The following DTL variants were observed in gnomAD, a reference collection of about 807,000 sequenced individuals.
DTL encodes the protein denticleless protein homolog.
Under a neutral mutation model 87.0 loss-of-function variants are expected in DTL, and 46 were observed. The ratio of observed to expected loss-of-function variants is 0.53; its 90% CI spans 0.42 to 0.68. DTL has a LOEUF of 0.68. Ranked by LOEUF, DTL falls within the 30% of genes least tolerant of loss-of-function variation. DTL has a pLI of 0.00. For synonymous variants in DTL, 308 were observed against 311.2 expected, an observed-to-expected ratio of 0.99 and a Z score of 0.11; for missense variants, 737 against 869.4, an observed-to-expected ratio of 0.85 and a Z score of 1.91.
intron 5 of DTL, among the ~76,000 whole-genome samples, chr1:212,053,665 A>C (rs1668068513): frequency 6.6e-6 from 1 of 152,048 alleles, no homozygotes; most frequent in Non-Finnish European, 1.5e-5. Context: ...TGCTCACTGC[A>C]ACCTCTGCCT....
chr1:212,054,774 GACA>G lies in DTL; in HGVS notation c.460+7360_460+7362del, dbSNP rs377602054. ...CGTGCCACTGCACTCCAGCCTGGGT[GACA>G]ACGAGACACCACCTCAAAAAAAAAA... On this transcript the variant is annotated intron_variant, in intron 5 of 14. Transcript: ENST00000366991. 5.8e-3 allele frequency among the ~76,000 whole-genome samples: 722 copies of G among 123,954 alleles called. 4 individuals carry two copies. Among genetic ancestry groups the G allele is most frequent in the African/African-American group, 0.02 (680 of 33,534 alleles). 81.3% of individuals were successfully genotyped at this position (123,954 alleles called of 152,430 possible).
chr1:212,068,360 A>G (rs766001234), intron 9 of DTL, 33 bp downstream of exon 9: 1 of 1,372,076 alleles, frequency 7.3e-7, no homozygotes, highest in South Asian at 1.3e-5. Context: ...GGGGGAGATA[A>G]GAGTTTTTGT....
At chr1:212,058,422 G>A (rs1277182536) in intron 5 of DTL, among the ~76,000 whole-genome samples, 3 of 152,032 alleles carry the variant, frequency 2.0e-5, no homozygotes, top group Admixed American at 6.6e-5. Flanking sequence ...CTACAAATAC[G>A]TGGAAATTAG....
chr1:212,038,772 A>G (rs1049734287), intron 1 of DTL, among the ~76,000 whole-genome samples: 1 of 152,212 alleles, frequency 6.6e-6, no homozygotes, highest in Non-Finnish European at 1.5e-5. Flanking sequence ...GTGTATTTTT[A>G]AATTGATATC....
rs1239185185 is a variant in DTL at position 212,100,969 on chromosome 1, A to C, written c.1979A>C (p.Lys660Thr). The C allele has an allele frequency of 6.2e-7, 1 of 1,614,130 alleles. No homozygotes were observed. Among genetic ancestry groups the C allele is most frequent in the East Asian group, 2.2e-5 (1 of 44,878 alleles). Residue 660 changes from lysine (K) to threonine (T), a missense_variant, in exon 14 of 15, where the codon AAA becomes ACA. By Grantham distance (78) the Lys-to-Thr change is moderately conservative (BLOSUM62 -1). Coordinates refer to ENST00000366991, the MANE Select transcript of DTL (RefSeq NM_016448.4). ...AAAGAGAATAGTTCCCCAGAGAATA[A>C]AAACTGGTTGTTGGCCATGGCAGCC... is the stretch of plus-strand genomic sequence containing the variant. The part of the protein sequence containing the change: ...VGKENSSPEN[K>T]NWLLAMAAKR...
intron 11 of DTL, among the ~76,000 whole-genome samples, chr1:212,077,074 G>T (rs1046426720): frequency 6.6e-6 from 1 of 152,110 alleles, no homozygotes; most frequent in African/African-American, 2.4e-5. Flanking sequence ...AGTTTACTTA[G>T]TCATTCTCAC....
chr1:212,089,268 G>A (rs1655217325), intron 13 of DTL, among the ~76,000 whole-genome samples: 1 of 152,042 alleles, frequency 6.6e-6, no homozygotes, highest in African/African-American at 2.4e-5. Context: ...AAAGAAAATG[G>A]CATGCCATAT....
chr1:212,075,378 A>G (rs1654797624), intron 11 of DTL, among the ~76,000 whole-genome samples: 1 of 152,198 alleles, frequency 6.6e-6, no homozygotes, highest in African/African-American at 2.4e-5. Context: ...TCTGTGTCTG[A>G]GCATCTCCAA....
At chr1:212,048,433 C>A (rs570907738) in intron 5 of DTL, among the ~76,000 whole-genome samples, 3 of 152,268 alleles carry the variant, frequency 2.0e-5, no homozygotes, top group African/African-American at 7.2e-5. Context: ...CCTCGTGATC[C>A]ACCTGCCTCG....
At chr1:212,071,648 A>G (rs185433685) in intron 10 of DTL, among the ~76,000 whole-genome samples, 152 of 152,228 alleles carry the variant, frequency 1.0e-3, no homozygotes, top group African/African-American at 3.3e-3. Flanking sequence ...TCAAAGCACT[A>G]TAAAGTCTAG....
rs186929443 is a variant in DTL at position 212,042,262 on chromosome 1, T to C, written c.53-731T>C. Among the ~76,000 whole-genome samples the C allele has an allele frequency of 8.8e-4, 129 of 146,288 alleles. 2 individuals carry two copies. The highest frequency in any genetic ancestry group is 4.4e-3 in the Admixed American group (62 of 13,948). On this transcript the variant is annotated intron_variant, in intron 1 of 14. Coordinates refer to ENST00000366991, the MANE Select transcript of DTL (RefSeq NM_016448.4). ...AGGAGCATAGTGCACATTAGACCTCTGACCCAAGCAGAATAAACTTTTCTT... is the reference window on the plus strand; with the variant it reads ...AGGAGCATAGTGCACATTAGACCTCCGACCCAAGCAGAATAAACTTTTCTT...
chr1:212,048,979 G>A (rs940086289), intron 5 of DTL, among the ~76,000 whole-genome samples: 5 of 152,148 alleles, frequency 3.3e-5, no homozygotes, highest in African/African-American at 1.2e-4. Context: ...CTGGAATGCA[G>A]TGGCGTGATC....
chr1:212,068,387 A>G (rs1654574064), intron 9 of DTL, 60 bp downstream of exon 9: 7 of 977,768 alleles, frequency 7.2e-6, no homozygotes, highest in Non-Finnish European at 1.1e-5. Flanking sequence ...AAAAAAAAAA[A>G]GGCTAATTTC....
At chr1:212,102,774 C>A in intron 14 of DTL, 68 bp from the exon 15 acceptor site, 1 of 1,097,426 alleles carries the variant, frequency 9.1e-7, no homozygotes, top group Non-Finnish European at 1.4e-6. Context: ...TTAAGGTATG[C>A]CTTAGTAATA....
chr1:212,040,282 G>A (rs1201508943), intron 1 of DTL, among the ~76,000 whole-genome samples: 1 of 152,080 alleles, frequency 6.6e-6, no homozygotes, highest in Non-Finnish European at 1.5e-5. Flanking sequence ...CATTGTGTAT[G>A]CGGTCTGTCT....
rs572429436 is a variant in DTL at position 212,098,404 on chromosome 1, C to T, written c.1262-1848C>T. Among the ~76,000 whole-genome samples, 14 of 152,216 alleles carry T rather than the reference C, an allele frequency of 9.2e-5. No individual in the cohort carries two copies. In the South Asian group the frequency reaches 1.7e-3, roughly 18 times the overall value. The stretch of plus-strand genomic sequence containing the variant: ...GAGAGTATCAACTGCAGTAGTATAG[C>T]GGGGGATATAAGCTTGCCTTACGGT... On this transcript the variant is annotated intron_variant, in intron 13 of 14. Transcript: ENST00000366991.
intron 11 of DTL, among the ~76,000 whole-genome samples, chr1:212,076,069 T>C (rs1289621271): frequency 6.6e-6 from 1 of 152,232 alleles, no homozygotes; most frequent in East Asian, 1.9e-4. Flanking sequence ...CTGAATAATA[T>C]GCCATTGTGT....
At chr1:212,063,688 A>G (rs1162760124) in intron 6 of DTL, among the ~76,000 whole-genome samples, 1 of 152,148 alleles carries the variant, frequency 6.6e-6, no homozygotes, top group Non-Finnish European at 1.5e-5. Context: ...CTTTTAGTTA[A>G]TTTATTAAAA....
At position 212,063,048 on chromosome 1, in the gene DTL, C is replaced by T. The variant is rs1477032809; in HGVS notation, c.526+99C>T. Reference sequence around the variant, plus strand: ...ATTTCATCTGATTACCACCAGGGGGCATGTACTCATAATTTCCCATTTCTG... The same window carrying T: ...ATTTCATCTGATTACCACCAGGGGGTATGTACTCATAATTTCCCATTTCTG... On this transcript the variant is annotated intron_variant, in intron 6 of 14. Coordinates refer to ENST00000366991, the MANE Select transcript of DTL (RefSeq NM_016448.4). The T allele has an allele frequency of 1.5e-5, 13 of 870,236 alleles. No individual in the cohort carries two copies. In the Admixed American group the frequency reaches 2.0e-4, roughly 14 times the overall value. The allele number at this position is 870,236 out of a possible 1,614,324, so 53.9% of individuals were successfully genotyped here. A position where few individuals can be genotyped will look rare whatever the true frequency, so the allele number is the denominator to read the frequency against.
Sources: allele counts gnomAD v4.1 joint callset (sites outside exome capture counted in the v4.1 genomes callset), GRCh38; gene constraint gnomAD v4.1.1; transcripts MANE v1.5; gene names NCBI Gene and HGNC (gene_info 2026-07-23, HGNC 2026-07-21).